RECQL5: variants seen among roughly 807,000 people sequenced by gnomAD.
RECQL5 encodes the protein RecQ like helicase 5.
RECQL5 carries 88 observed loss-of-function variants against 103.4 expected under a neutral mutation model. The observed-to-expected ratio is 0.85, with a 90% CI of 0.72 to 1.02. The LOEUF (loss-of-function observed/expected upper bound fraction) is 1.02, where lower values mean the gene tolerates loss of function less well. Among genes scored for constraint, RECQL5 ranks in the 50% least tolerant of loss-of-function variants. RECQL5 has a pLI of 0.00. For missense variants in RECQL5, 1,232 were observed against 1,284.3 expected, an observed-to-expected ratio of 0.96 and a Z score of 0.62; for synonymous variants, 552 against 507.9, an observed-to-expected ratio of 1.09 and a Z score of -1.17.
chr17:75,640,664 G>C lies in RECQL5; in HGVS notation c.1230-8996C>G, dbSNP rs370962001. ...CGTCCGCACCTCTCACCAGCCTCTC[G>C]GATCTTTCTGACCTCCACCAAACCT... On this transcript the variant is annotated intron_variant, in intron 8 of 19. Transcript: ENST00000317905. The surrounding 1 kb of genome is among the most constrained non-coding windows in gnomAD (Gnocchi z 4.6). The C allele has an allele frequency of 4.8e-6, 7 of 1,467,204 alleles. No homozygotes were observed. Among genetic ancestry groups the C allele is most frequent in the Admixed American group, 2.2e-5 (1 of 46,042 alleles). 90.9% of individuals were successfully genotyped at this position (1,467,204 alleles called of 1,614,324 possible).
At chr17:75,648,660 C>A (rs1459316976) in intron 8 of RECQL5, among the ~76,000 whole-genome samples, 2 of 141,996 alleles carry the variant, frequency 1.4e-5, no homozygotes. Context: ...GCATGAGCCA[C>A]GGCGCCCGGC....
intron 8 of RECQL5, chr17:75,647,632 G>C (rs1243104917): frequency 8.1e-6 from 12 of 1,488,506 alleles, no homozygotes; most frequent in Non-Finnish European, 1.1e-5. Context: ...TCCAGTGGTG[G>C]GCCCCTTCGC....
At chr17:75,630,516 C>A (rs370093955) in intron 13 of RECQL5, 103 bp downstream of exon 13, 2 of 1,254,654 alleles carry the variant, frequency 1.6e-6, no homozygotes, top group Non-Finnish European at 2.3e-6. Context: ...GAGGTACAAT[C>A]TGGGGAGAGG....
At chr17:75,630,105 G>T in intron 14 of RECQL5, 79 bp downstream of exon 14, 1 of 1,288,036 alleles carries the variant, frequency 7.8e-7, no homozygotes, top group Non-Finnish European at 1.1e-6. Context: ...CCTGAGCCCA[G>T]AGAGCTGGCA....
chr17:75,627,669 G>A lies in RECQL5; in HGVS notation c.2829C>T (p.Arg943=). The change falls in exon 19 of 20, where the codon CGC becomes CGT. Residue 943 remains arginine (R), a synonymous_variant. Coordinates refer to ENST00000317905, the MANE Select transcript of RECQL5 (RefSeq NM_004259.7). ...TCTGAGTCAGCAAGTGTGAGAGGTG[G>A]CGGGCAAAGCCTTTAAACAACTCCT... ...ASKELFKGFA[R]HLSHLLTQKT... The A allele has an allele frequency of 6.2e-7, 1 of 1,610,150 alleles. No homozygotes were observed. Among genetic ancestry groups the A allele is most frequent in the Non-Finnish European group, 8.5e-7 (1 of 1,178,132 alleles).
rs1264160926 is a variant in RECQL5 at position 75,662,997 on chromosome 17, C to T, written c.253G>A (p.Asp85Asn). 2 of 1,587,242 alleles carry T rather than the reference C, an allele frequency of 1.3e-6. No individual in the cohort carries two copies. The highest frequency in any genetic ancestry group is 8.6e-7 in the Non-Finnish European group (1 of 1,166,394). Residue 85 changes from aspartate to asparagine, a missense_variant and splice_region_variant, in exon 4 of 20, where the codon GAC becomes AAC. Physicochemically the swap from Asp to Asn is conservative, Grantham distance 23. Transcript: ENST00000317905. ...AGGGTTAGCAAGTGGTCCACTTGGT[C>T]CTAAGAGAAGAGAAAGAGGCTGTAA... The part of the protein sequence containing the change: ...VVSPLIALIQ[D>N]QVDHLLTLKV...
At chr17:75,641,020 C>A in intron 8 of RECQL5, 1 of 1,457,636 alleles carries the variant, frequency 6.9e-7, no homozygotes, top group Admixed American at 2.2e-5. Context: ...AGCTCTGGCC[C>A]AGCCCAGGTA....
At chr17:75,651,109 G>A in intron 8 of RECQL5, 77 bp downstream of exon 8, 1 of 1,612,186 alleles carries the variant, frequency 6.2e-7, no homozygotes, top group Non-Finnish European at 8.5e-7. Context: ...TCTTATGTCA[G>A]CTGCTTAACT....
intron 8 of RECQL5, chr17:75,647,366 T>C: frequency 3.2e-6 from 5 of 1,544,360 alleles, no homozygotes; most frequent in Non-Finnish European, 4.4e-6. Context: ...GTCCCTCTTT[T>C]CCAGATTCTC....
chr17:75,631,360 C>T (rs60199317), intron 9 of RECQL5, 90 bp downstream of exon 9: 131,331 of 1,522,950 alleles, frequency 0.086, 7,851 homozygotes, highest in African/African-American at 0.29. Flanking sequence ...GGGGGGATTG[C>T]GGCATCGTGC....
At chr17:75,630,527 T>C in intron 13 of RECQL5, 92 bp downstream of exon 13, 1 of 1,344,624 alleles carries the variant, frequency 7.4e-7, no homozygotes, top group Non-Finnish European at 1.1e-6. Context: ...TGGGGAGAGG[T>C]GGCCCAAACA....
At chr17:75,656,371 C>A (rs1191880126) in intron 7 of RECQL5, among the ~76,000 whole-genome samples, 1 of 152,216 alleles carries the variant, frequency 6.6e-6, no homozygotes, top group Non-Finnish European at 1.5e-5. Flanking sequence ...AGCCACCGCA[C>A]CCAGCCTACT....
Position 75,640,884 on chromosome 17 carries a change from C to A in RECQL5, c.1230-9216G>T. 1 of 1,545,738 alleles carries A rather than the reference C, an allele frequency of 6.5e-7. No homozygotes were observed. Among genetic ancestry groups the A allele is most frequent in the Non-Finnish European group, 8.7e-7 (1 of 1,146,916 alleles). ...AGAGGCAGGAAGGTCCAGGTGCAGC[C>A]GACACCACCATGACGGACGGGCGAT... On this transcript the variant is annotated intron_variant, in intron 8 of 19. Transcript: ENST00000317905. This position sits in a 1 kb window ranked among gnomAD's most constrained non-coding sequence, Gnocchi z 4.6.
In RECQL5 at chr17:75,647,974, C is replaced by T. The variant is rs77521028; in HGVS notation, c.1229+3212G>A. On this transcript the variant is annotated intron_variant, in intron 8 of 19. Transcript: ENST00000317905. ...AAATAAAAATTCCTTTTCAAATCTG[C>T]TAACTTGTGAGAGCTCATTTTTAAT... is the stretch of plus-strand genomic sequence containing the variant. The T allele has an allele frequency of 9.8e-3, 1,731 of 176,632 alleles. 9 individuals carry two copies. The highest frequency in any genetic ancestry group is 0.014 in the Non-Finnish European group (1,017 of 74,628). The allele number at this position is 176,632 out of a possible 1,614,324, so 10.9% of individuals were successfully genotyped here.
chr17:75,628,090 A>T, intron 18 of RECQL5, 128 bp downstream of exon 18: 1 of 804,232 alleles, frequency 1.2e-6, no homozygotes. Context: ...GGCAGGCCCC[A>T]GGGAGGACGG....
chr17:75,657,264 G>A (rs2059635869), intron 7 of RECQL5, among the ~76,000 whole-genome samples: 1 of 152,150 alleles, frequency 6.6e-6, no homozygotes, highest in African/African-American at 2.4e-5. Context: ...ACATGCCTCT[G>A]GTCCCAGCGA....
Position 75,658,352 on chromosome 17 carries a change from C to T in RECQL5, c.1095G>A (p.Arg365=), listed in dbSNP as rs147394651. The part of the protein sequence containing the change: ...KPSWCRLYYS[R]NDRDQVSFLI... The stretch of plus-strand genomic sequence containing the variant: ...GGAAGCTGACTTGGTCCCGGTCATT[C>T]CTGGAGTAATAGAGACGGCACCAGG... Residue 365 remains arginine (R), a synonymous_variant, in exon 7 of 20, where the codon AGG becomes AGA. Coordinates refer to ENST00000317905, the MANE Select transcript of RECQL5 (RefSeq NM_004259.7). The T allele has an allele frequency of 1.7e-5, 28 of 1,613,940 alleles. No homozygotes were observed. The African/African-American group carries it at 3.3e-4, about 19-fold the overall frequency.
rs1185280594 is a variant in RECQL5 at position 75,627,647 on chromosome 17, G to A, written c.2851C>T (p.Gln951Ter). The A allele has an allele frequency of 6.2e-7, 1 of 1,612,476 alleles. No individual in the cohort carries two copies. Among genetic ancestry groups the A allele is most frequent in the Admixed American group, 1.7e-5 (1 of 59,624 alleles). The change falls in exon 19 of 20, where the codon CAG (glutamine) becomes TAG (stop). Residue 951 changes from glutamine (Q) to a stop codon, truncating the protein, a stop_gained. Transcript: ENST00000317905. LOFTEE classifies it high-confidence loss of function. ...CCGCTCCTTCCAGGAGAGGTCTTCT[G>A]AGTCAGCAAGTGTGAGAGGTGGCGG... is the stretch of plus-strand genomic sequence containing the variant. The part of the protein sequence containing the change: ...FARHLSHLLT[Q>*]KTSPGRSVKE...
intron 8 of RECQL5, chr17:75,647,495 T>C: frequency 1.9e-6 from 3 of 1,550,392 alleles, no homozygotes; most frequent in Non-Finnish European, 2.6e-6. Context: ...CTTCTCATCT[T>C]ATTTGCCATC....
Sources: gnomAD v4.1 joint callset for allele counts (sites outside exome capture counted in the v4.1 genomes callset) on GRCh38, gnomAD v4.1.1 for gene constraint, Gnocchi (gnomAD v3.1) non-coding constraint, MANE v1.5 for transcripts, NCBI Gene and HGNC (gene_info 2026-07-23, HGNC 2026-07-21) for gene names.